The following COMMD10 variants were observed in gnomAD, a reference collection of about 807,000 sequenced individuals.
The protein encoded by COMMD10 is COMM domain containing 10.
In COMMD10, 33 loss-of-function variants were observed where a neutral mutation model predicts 28.9. That is an observed-to-expected ratio of 1.14 (90% CI 0.87 to 1.53). The LOEUF (loss-of-function observed/expected upper bound fraction) is 1.53, where lower values mean the gene tolerates loss of function less well. Among genes scored for constraint, COMMD10 ranks in the 40% most tolerant of loss-of-function variants. The pLI is 0.00. For missense variants in COMMD10, 310 were observed against 233.4 expected, an observed-to-expected ratio of 1.33 and a Z score of -2.14; for synonymous variants, 110 against 81.7, an observed-to-expected ratio of 1.35 and a Z score of -1.87.
At chr5:116,182,063 T>G (rs939675607) in intron 5 of COMMD10, among the ~76,000 whole-genome samples, 2 of 152,086 alleles carry the variant, frequency 1.3e-5, no homozygotes, top group African/African-American at 4.8e-5. Flanking sequence ...AGGAGATGAT[T>G]GATACTATTA....
At position 116,112,296 on chromosome 5, in the gene COMMD10, C is replaced by T. The variant is rs565883431; in HGVS notation, c.399+19596C>T. On this transcript the variant is annotated intron_variant, in intron 4 of 6. Coordinates refer to ENST00000274458, the MANE Select transcript of COMMD10 (RefSeq NM_016144.4). The stretch of plus-strand genomic sequence containing the variant: ...GCTACCTCTGCTTGCTTTAGATTTT[C>T]GTTGGCCCATAATATCAATCAATAT... 7.2e-5 allele frequency among the ~76,000 whole-genome samples: 11 copies of T among 152,196 alleles called. No homozygotes were observed. The South Asian group carries it at 1.9e-3, about 26-fold the overall frequency.
At chr5:116,234,107 T>G (rs905594034) in intron 5 of COMMD10, among the ~76,000 whole-genome samples, 6 of 152,168 alleles carry the variant, frequency 3.9e-5, no homozygotes, top group African/African-American at 1.2e-4. Flanking sequence ...AAATTTTCAC[T>G]GGCATTGTAG....
At chr5:116,123,323 T>C (rs1751506779) in intron 4 of COMMD10, among the ~76,000 whole-genome samples, 3 of 152,296 alleles carry the variant, frequency 2.0e-5, no homozygotes, top group Admixed American at 1.3e-4. Context: ...TCTACTGAGA[T>C]AATCATGTGG....
chr5:116,283,992 G>T (rs1580610428), intron 5 of COMMD10, among the ~76,000 whole-genome samples: 1 of 151,564 alleles, frequency 6.6e-6, no homozygotes, highest in Non-Finnish European at 1.5e-5. Context: ...CTTACTGGGT[G>T]TGGAAGCGCA....
At position 116,258,637 on chromosome 5, in the gene COMMD10, C is replaced by G. The variant is rs142971714; in HGVS notation, c.511-32880C>G. On this transcript the variant is annotated intron_variant, in intron 5 of 6. Coordinates refer to ENST00000274458, the MANE Select transcript of COMMD10 (RefSeq NM_016144.4). ...ATCTTTGAAAATACTATTCTATTGACTTTTCTGATATTGCTAAAAAGATTT... is the reference window on the plus strand; with the variant it reads ...ATCTTTGAAAATACTATTCTATTGAGTTTTCTGATATTGCTAAAAAGATTT... 2.3e-4 allele frequency among the ~76,000 whole-genome samples: 35 copies of G among 151,854 alleles called. No individual in the cohort carries two copies. In the East Asian group the frequency reaches 6.8e-3, roughly 29 times the overall value.
chr5:116,280,308 C>G lies in COMMD10; in HGVS notation c.511-11209C>G, dbSNP rs1751037892. ...AGAAAAGTAGAAATTTATTCATTCA[C>G]TCTGCCTAGGATGCTTTGCTTGCAC... On this transcript the variant is annotated intron_variant, in intron 5 of 6. Transcript: ENST00000274458. Among the ~76,000 whole-genome samples the G allele has an allele frequency of 4.6e-5, 7 of 151,842 alleles. 1 individual carries two copies. Among genetic ancestry groups the G allele is most frequent in the Non-Finnish European group, 2.9e-5 (2 of 68,010 alleles).
intron 1 of COMMD10, among the ~76,000 whole-genome samples, chr5:116,086,381 G>C (rs1750097483): frequency 6.6e-6 from 1 of 152,174 alleles, no homozygotes; most frequent in South Asian, 2.1e-4. Flanking sequence ...ATCATTTAAA[G>C]TTGATTATTA....
rs548813168 is a variant in COMMD10 at position 116,105,758 on chromosome 5, A to G, written c.399+13058A>G. Among the ~76,000 whole-genome samples, 5 of 152,272 alleles carry G rather than the reference A, an allele frequency of 3.3e-5. No individual in the cohort carries two copies. The East Asian group carries it at 9.7e-4, about 29-fold the overall frequency. ...AGTTTATTTGCGTAGATGTGTTTCTAGTATTCTCTGATGGTAGTTTGTATT... is the reference window on the plus strand; with the variant it reads ...AGTTTATTTGCGTAGATGTGTTTCTGGTATTCTCTGATGGTAGTTTGTATT... On this transcript the variant is annotated intron_variant, in intron 4 of 6. Coordinates refer to ENST00000274458, the MANE Select transcript of COMMD10 (RefSeq NM_016144.4).
At chr5:116,222,990 G>T (rs953890411) in intron 5 of COMMD10, among the ~76,000 whole-genome samples, 1 of 152,018 alleles carries the variant, frequency 6.6e-6, no homozygotes, top group Non-Finnish European at 1.5e-5. Flanking sequence ...GCGCTCAGCC[G>T]CCCTTTTTAA....
intron 5 of COMMD10, among the ~76,000 whole-genome samples, chr5:116,257,030 C>T (rs902677312): frequency 2.6e-5 from 4 of 151,754 alleles, no homozygotes; most frequent in Admixed American, 2.6e-4. Context: ...ACTTTACCTA[C>T]AGTGCTGTTT....
At chr5:116,284,342 A>ATG (rs554295170) in intron 5 of COMMD10, among the ~76,000 whole-genome samples, 58 of 138,508 alleles carry the variant, frequency 4.2e-4, no homozygotes, top group South Asian at 6.5e-4. Flanking sequence ...GTGTGTATGT[A>ATG]TGTGTGTGTG....
At chr5:116,087,453 C>G in intron 1 of COMMD10, 44 bp from the exon 2 acceptor site, 1 of 1,230,964 alleles carries the variant, frequency 8.1e-7, no homozygotes, top group Non-Finnish European at 1.2e-6. Flanking sequence ...TGCAGTTCAA[C>G]TTGGAAAACT....
intron 5 of COMMD10, among the ~76,000 whole-genome samples, chr5:116,203,676 A>C (rs897356363): frequency 1.3e-5 from 2 of 152,172 alleles, no homozygotes; most frequent in Non-Finnish European, 2.9e-5. Flanking sequence ...AATACTTTAC[A>C]GACAAGCAAA....
chr5:116,122,410 T>G lies in COMMD10; in HGVS notation c.400-11658T>G, dbSNP rs535336966. Among the ~76,000 whole-genome samples the G allele has an allele frequency of 3.9e-5, 6 of 152,344 alleles. No homozygotes were observed. The East Asian group carries it at 1.2e-3, about 29-fold the overall frequency. On this transcript the variant is annotated intron_variant, in intron 4 of 6. Transcript: ENST00000274458. ...CCTTGTAGTATAGTTTGAAGTCCGG[T>G]AACGTGATGCCTCCAGCTTTGTTCT...
Position 116,263,914 on chromosome 5 carries a change from C to G in COMMD10, c.511-27603C>G, listed in dbSNP as rs551555571. ...TCAGGACCTCCTGAGGGCTGTGTCA[C>G]AAGCCATGGTCGCTCATATTTGGCT... On this transcript the variant is annotated intron_variant, in intron 5 of 6. Coordinates refer to ENST00000274458, the MANE Select transcript of COMMD10 (RefSeq NM_016144.4). 1.8e-4 allele frequency among the ~76,000 whole-genome samples: 27 copies of G among 151,904 alleles called. No homozygotes were observed. The South Asian group carries it at 5.6e-3, about 32-fold the overall frequency.
chr5:116,221,274 T>C (rs1001325308), intron 5 of COMMD10, among the ~76,000 whole-genome samples: 31 of 152,032 alleles, frequency 2.0e-4, no homozygotes, highest in African/African-American at 7.5e-4. Context: ...TCCAGCCCCT[T>C]GCCCTCTACT....
At chr5:116,208,000 A>G (rs977828009) in intron 5 of COMMD10, among the ~76,000 whole-genome samples, 22 of 152,152 alleles carry the variant, frequency 1.4e-4, no homozygotes, top group African/African-American at 5.3e-4. Flanking sequence ...GTAGGTAAGA[A>G]CATGGGCTCC....
intron 5 of COMMD10, among the ~76,000 whole-genome samples, chr5:116,176,993 C>G (rs1025119579): frequency 1.2e-4 from 18 of 152,140 alleles, no homozygotes; most frequent in African/African-American, 4.1e-4. Flanking sequence ...GTACAATCTG[C>G]TAAGGCCAGA....
chr5:116,100,585 ATGGTG>A (rs59970102), intron 4 of COMMD10, among the ~76,000 whole-genome samples: 7,842 of 145,354 alleles, frequency 0.054, 281 homozygotes, highest in East Asian at 0.15. Flanking sequence ...GCTTTTTCCC[ATGGTG>A]TATCCTTGGT....
Sources: gnomAD v4.1 joint callset for allele counts (sites outside exome capture counted in the v4.1 genomes callset) on GRCh38, gnomAD v4.1.1 for gene constraint, MANE v1.5 for transcripts, NCBI Gene and HGNC (gene_info 2026-07-23, HGNC 2026-07-21) for gene names.